Variants in TBC1D19 observed in about 807,000 individuals in gnomAD.
TBC1D19 encodes the protein TBC1 domain family, member 19.
Under a neutral mutation model 89.0 loss-of-function variants are expected in TBC1D19, and 60 were observed. The observed-to-expected ratio is 0.67, with a 90% CI of 0.55 to 0.84. The LOEUF (loss-of-function observed/expected upper bound fraction) is 0.84. TBC1D19 is among the 40% of genes least tolerant of loss of function. The pLI, the probability that TBC1D19 is intolerant of heterozygous loss-of-function variation, is 0.00. For synonymous variants in TBC1D19, 189 were observed against 199.7 expected (o/e 0.95, Z 0.45); for missense variants, 500 against 610.8 (o/e 0.82, Z 1.91).
Position 26,637,268 on chromosome 4 carries a change from AT to A in TBC1D19, c.353del (p.Ile118ThrfsTer29). 6.8e-6 allele frequency: 11 copies of A among 1,610,382 alleles called. No homozygotes were observed. Among genetic ancestry groups the A allele is most frequent in the Non-Finnish European group, 9.3e-6 (11 of 1,178,158 alleles). On this transcript the variant is annotated frameshift_variant, in exon 5 of 21. Transcript: ENST00000264866. LOFTEE classifies it high-confidence loss of function. ...SLNSMCTELS[I>X]PLARKRPVGE... ...AAATAGTATGTGCACTGAACTGAGT[AT>A]CCCACTGGCACGAAAGGTACTTTTA...
At chr4:26,612,921 T>C (rs1319825053) in intron 1 of TBC1D19, among the ~76,000 whole-genome samples, 1 of 152,096 alleles carries the variant, frequency 6.6e-6, no homozygotes, top group South Asian at 2.1e-4. Flanking sequence ...ATCTCCAAGT[T>C]TGTATAGTTT....
intron 7 of TBC1D19, among the ~76,000 whole-genome samples, chr4:26,657,488 A>C (rs372512356): frequency 6.6e-6 from 1 of 152,044 alleles, no homozygotes; most frequent in Admixed American, 6.6e-5. Context: ...TCTATGATTT[A>C]TGGGCATTTG....
chr4:26,672,776 C>T (rs1712432724), intron 10 of TBC1D19, among the ~76,000 whole-genome samples: 1 of 151,932 alleles, frequency 6.6e-6, no homozygotes, highest in African/African-American at 2.4e-5. Context: ...ATTATATTGT[C>T]ATGTACCAAA....
chr4:26,610,349 A>G, intron 1 of TBC1D19, among the ~76,000 whole-genome samples: 1 of 151,560 alleles, frequency 6.6e-6, no homozygotes, highest in East Asian at 1.9e-4. Flanking sequence ...CATTTGCCCC[A>G]TCCCAATCAC....
chr4:26,687,467 CAT>C (rs2109154954), intron 12 of TBC1D19, among the ~76,000 whole-genome samples: 1 of 152,184 alleles, frequency 6.6e-6, no homozygotes, highest in South Asian at 2.1e-4. Flanking sequence ...CAACTCTGGA[CAT>C]AATATTCAGA....
chr4:26,813,758 G>A, the TBC1D19 span, among the ~76,000 whole-genome samples: 1 of 152,070 alleles, frequency 6.6e-6, no homozygotes, highest in African/African-American at 2.4e-5. Context: ...CCTTCCCCGC[G>A]CCTCTCCTGG....
At chr4:26,811,857 G>T in the TBC1D19 span, among the ~76,000 whole-genome samples, 10 of 152,326 alleles carry the variant, frequency 6.6e-5, no homozygotes, top group South Asian at 1.9e-3. Context: ...TGCCATCTTG[G>T]TTTTGGTGGG....
intron 1 of TBC1D19, among the ~76,000 whole-genome samples, chr4:26,598,596 A>T (rs911605624): frequency 1.3e-5 from 2 of 152,104 alleles, no homozygotes; most frequent in Non-Finnish European, 2.9e-5. Context: ...GGGTTTCACC[A>T]TGTTAGCCAG....
At chr4:26,757,217 G>A (rs1275287670), downstream of TBC1D19, among the ~76,000 whole-genome samples, 3 of 152,050 alleles carry the variant, frequency 2.0e-5, no homozygotes, top group Admixed American at 6.5e-5. Context: ...TTTTCACTAC[G>A]TTGGCCAACC....
At chr4:26,763,510 C>T in the TBC1D19 span, among the ~76,000 whole-genome samples, 1 of 152,196 alleles carries the variant, frequency 6.6e-6, no homozygotes, top group Admixed American at 6.5e-5. Flanking sequence ...AGCCTTGAAG[C>T]CTCCCCGCCT....
the TBC1D19 span, among the ~76,000 whole-genome samples, chr4:26,777,979 G>T: frequency 1.3e-5 from 2 of 151,830 alleles, no homozygotes; most frequent in African/African-American, 2.4e-5. Flanking sequence ...AGGCTGAGGT[G>T]GGGGGATTGC....
At chr4:26,594,052 G>A (rs1349969847) in intron 1 of TBC1D19, among the ~76,000 whole-genome samples, 1 of 152,136 alleles carries the variant, frequency 6.6e-6, no homozygotes, top group Non-Finnish European at 1.5e-5. Flanking sequence ...TATGTTTATC[G>A]CGGCACTATT....
intron 19 of TBC1D19, 135 bp from the exon 20 acceptor site, chr4:26,753,685 A>G (rs1578021546): frequency 1.3e-6 from 1 of 785,114 alleles, no homozygotes; most frequent in Non-Finnish European, 2.1e-6. Flanking sequence ...CTTAATTCAG[A>G]ATGCGGGGGT....
At chr4:26,804,690 G>A in the TBC1D19 span, among the ~76,000 whole-genome samples, 1 of 152,138 alleles carries the variant, frequency 6.6e-6, no homozygotes, top group Non-Finnish European at 1.5e-5. Context: ...GAGGCGGCGG[G>A]CCCGGGTTTG....
At chr4:26,692,715 C>G (rs1405277045) in intron 13 of TBC1D19, among the ~76,000 whole-genome samples, 2 of 152,090 alleles carry the variant, frequency 1.3e-5, no homozygotes, top group Non-Finnish European at 2.9e-5. Context: ...AGCTGGTTTA[C>G]CAGAGAAAGC....
At chr4:26,659,943 A>G (rs1745119455) in intron 8 of TBC1D19, among the ~76,000 whole-genome samples, 1 of 152,226 alleles carries the variant, frequency 6.6e-6, no homozygotes, top group South Asian at 2.1e-4. Flanking sequence ...TATTTTAATA[A>G]GCAGCATAGA....
the TBC1D19 span, among the ~76,000 whole-genome samples, chr4:26,807,138 T>A: frequency 1.3e-5 from 2 of 152,160 alleles, no homozygotes; most frequent in African/African-American, 2.4e-5. Context: ...GTAGCATCAC[T>A]ACGGAGTGTG....
At chr4:26,595,243 G>A (rs1481713075) in intron 1 of TBC1D19, among the ~76,000 whole-genome samples, 2 of 152,076 alleles carry the variant, frequency 1.3e-5, no homozygotes, top group Admixed American at 6.5e-5. Context: ...CTTTAGTCAG[G>A]TGTCTTTTCA....
chr4:26,626,868 T>C (rs1742444574), intron 4 of TBC1D19, among the ~76,000 whole-genome samples: 1 of 149,158 alleles, frequency 6.7e-6, no homozygotes, highest in Non-Finnish European at 1.5e-5. Flanking sequence ...TTTATTTTTA[T>C]TTATTTTATT....
Sources: allele counts gnomAD v4.1 joint callset (sites outside exome capture counted in the v4.1 genomes callset), GRCh38; gene constraint gnomAD v4.1.1; transcripts MANE v1.5; gene names NCBI Gene and HGNC (gene_info 2026-07-23, HGNC 2026-07-21).